RALGDS: variants seen among roughly 807,000 people sequenced by gnomAD.
RALGDS encodes ral guanine nucleotide dissociation stimulator.
In RALGDS, 44 loss-of-function variants were observed where a neutral mutation model predicts 99.8. The observed-to-expected ratio is 0.44, with a 90% CI of 0.35 to 0.57. The LOEUF is 0.57. Among genes scored for constraint, RALGDS ranks in the 20% least tolerant of loss-of-function variants. The pLI, the probability that RALGDS is intolerant of heterozygous loss-of-function variation, is 0.01. For synonymous variants in RALGDS, 529 were observed against 505.0 expected, an observed-to-expected ratio of 1.05 and a Z score of -0.64; for missense variants, 1,022 against 1,203.1, an observed-to-expected ratio of 0.85 and a Z score of 2.23.
At chr9:133,115,462 G>A (rs1011552057) in intron 1 of RALGDS, among the ~76,000 whole-genome samples, 3 of 152,158 alleles carry the variant, frequency 2.0e-5, no homozygotes, top group Non-Finnish European at 2.9e-5. Context: ...CTGAGCTGCT[G>A]CTCAGGTCCC....
chr9:133,143,721 AGAGCAAG>A (rs1421912041), intron 1 of RALGDS, among the ~76,000 whole-genome samples: 11 of 148,834 alleles, frequency 7.4e-5, no homozygotes, highest in Non-Finnish European at 1.5e-4. Flanking sequence ...CCTGGGCCAC[AGAGCAAG>A]ACCCTGTCTC....
upstream of RALGDS, among the ~76,000 whole-genome samples, chr9:133,122,302 T>G (rs35568562): frequency 6.6e-6 from 1 of 152,112 alleles, no homozygotes; most frequent in South Asian, 2.1e-4. Context: ...CATGCCTCAC[T>G]CATCACTGGG....
At chr9:133,147,601 G>A (rs1165569430) in intron 1 of RALGDS, among the ~76,000 whole-genome samples, 1 of 152,192 alleles carries the variant, frequency 6.6e-6, no homozygotes, top group Non-Finnish European at 1.5e-5. Flanking sequence ...TGTGCATTGG[G>A]TAGAGGCCGG....
In RALGDS at chr9:133,107,808, C is replaced by T. The variant is rs541121536; in HGVS notation, c.1197+180G>A. 2.9e-4 allele frequency among the ~76,000 whole-genome samples: 44 copies of T among 152,308 alleles called. No individual in the cohort carries two copies. The South Asian group carries it at 8.1e-3, about 28-fold the overall frequency. ...CTGGAGGATAGGGGTGACCTCATCT[C>T]TACTGTCCAGAGGTAAACTGAGGAC... is the stretch of plus-strand genomic sequence containing the variant. On this transcript the variant is annotated intron_variant, in intron 6 of 17. Transcript: ENST00000372050.
upstream of RALGDS, among the ~76,000 whole-genome samples, chr9:133,133,818 AC>A (rs918684269): frequency 2.6e-5 from 4 of 152,016 alleles, no homozygotes; most frequent in Admixed American, 2.6e-4. Context: ...GCAAAACCCA[AC>A]CCACAGGCAC....
chr9:133,134,931 T>C (rs960408657), upstream of RALGDS, among the ~76,000 whole-genome samples: 63 of 152,314 alleles, frequency 4.1e-4, 2 homozygotes, highest in Admixed American at 3.9e-3. Context: ...CAATCCTGTC[T>C]GACTCTCAGG....
chr9:133,130,206 G>T (rs557883391), intron 1 of RALGDS, among the ~76,000 whole-genome samples: 2 of 152,154 alleles, frequency 1.3e-5, no homozygotes, highest in African/African-American at 4.8e-5. Context: ...TCCTGACCTC[G>T]TGATATGCCT....
intron 1 of RALGDS, among the ~76,000 whole-genome samples, chr9:133,113,299 C>G (rs928435114): frequency 1.2e-4 from 18 of 152,312 alleles, no homozygotes; most frequent in Non-Finnish European, 2.2e-4. Context: ...TTCCCTCAAC[C>G]CCAGCAGGAG....
At chr9:133,103,286 C>T (rs201844712) in intron 11 of RALGDS, 24 bp from the exon 12 acceptor site, 9 of 1,613,892 alleles carry the variant, frequency 5.6e-6, no homozygotes, top group Middle Eastern at 1.7e-4. Context: ...ACCCAATGGC[C>T]GTCAGAAAGT....
chr9:133,102,169 G>T (rs1387070685), intron 14 of RALGDS, 30 bp from the exon 15 acceptor site: 1 of 1,548,854 alleles, frequency 6.5e-7, no homozygotes, highest in Non-Finnish European at 8.7e-7. Flanking sequence ...AGTTAAGGGG[G>T]CTCCCCAAGG....
chr9:133,126,881 G>A (rs892008085), intron 1 of RALGDS, among the ~76,000 whole-genome samples: 3 of 152,206 alleles, frequency 2.0e-5, no homozygotes, highest in Non-Finnish European at 4.4e-5. Flanking sequence ...TAGGGAAAAG[G>A]TGTGTTCAGG....
rs1564245752 is a variant in RALGDS at position 133,121,182 on chromosome 9, CGGCCCGG to C, written c.-35_-29del. 7 of 922,544 alleles carry C rather than the reference CGGCCCGG, an allele frequency of 7.6e-6. No individual in the cohort carries two copies. The highest frequency in any genetic ancestry group is 9.2e-6 in the Non-Finnish European group (7 of 764,562). 57.1% of individuals were successfully genotyped at this position (922,544 alleles called of 1,614,324 possible). A position where few individuals can be genotyped will look rare whatever the true frequency, so the allele number is the denominator to read the frequency against. ...AAGGCTCGCAGCGCGGGCGCGGGGC[CGGCCCGG>C]CGCGCGGCGGGGGCGGCGGCGCGGC... On this transcript the variant is annotated 5_prime_UTR_variant, in exon 1 of 18. Coordinates refer to ENST00000372050, the MANE Select transcript of RALGDS (RefSeq NM_006266.4).
chr9:133,120,979 C>T lies in RALGDS; in HGVS notation c.176G>A (p.Arg59His). ...SFTQLDPDLP[R>H]PESSTQEIGE... ...CCGCCCCAGCTCACCCACCTCCGGG[C>T]GCGGCAGGTCGGGGTCTAGCTGCGT... The change falls in exon 1 of 18, where the codon CGC becomes CAC. Residue 59 changes from arginine (R) to histidine (H), a missense_variant. Arg to His is a conservative substitution (Grantham distance 29, BLOSUM62 0). Around this residue, in one of 3 missense-constraint regions of RALGDS, gnomAD observed 180 missense variants for 169.3 expected, o/e 1.06. Transcript: ENST00000372050. 6.7e-7 allele frequency: 1 copy of T among 1,484,572 alleles called. No individual in the cohort carries two copies. The highest frequency in any genetic ancestry group is 8.9e-7 in the Non-Finnish European group (1 of 1,123,468). 92.0% of individuals were successfully genotyped at this position (1,484,572 alleles called of 1,614,324 possible). A position where few individuals can be genotyped will look rare whatever the true frequency, so the allele number is the denominator to read the frequency against.
At chr9:133,134,946 C>T (rs1399850210), upstream of RALGDS, among the ~76,000 whole-genome samples, 1 of 152,124 alleles carries the variant, frequency 6.6e-6, no homozygotes, top group Non-Finnish European at 1.5e-5. Context: ...CTCAGGTTTG[C>T]GCTCCCAGTC....
chr9:133,146,234 C>A (rs1368547531), intron 1 of RALGDS, among the ~76,000 whole-genome samples: 1 of 152,200 alleles, frequency 6.6e-6, no homozygotes, highest in Admixed American at 6.5e-5. Context: ...GTCGCCCAGG[C>A]TGGAGTGCAG....
intron 1 of RALGDS, among the ~76,000 whole-genome samples, chr9:133,143,780 CAACAACAATAAT>C (rs1182806966): frequency 2.9e-5 from 3 of 103,804 alleles, no homozygotes; most frequent in African/African-American, 1.5e-4. Flanking sequence ...ATAACAACAA[CAACAACAATAAT>C]AATAATAATA....
At chr9:133,110,130 C>A (rs530575509) in intron 3 of RALGDS, among the ~76,000 whole-genome samples, 166 bp downstream of exon 3, 3 of 152,208 alleles carry the variant, frequency 2.0e-5, no homozygotes, top group Admixed American at 2.0e-4. Flanking sequence ...TCATCCCGCC[C>A]AGGCATGGTG....
intron 4 of RALGDS, among the ~76,000 whole-genome samples, chr9:133,109,079 A>G (rs1444035714): frequency 6.6e-6 from 1 of 152,140 alleles, no homozygotes; most frequent in African/African-American, 2.4e-5. Context: ...CATGTCTCCC[A>G]GCACCCCCTC....
intron 1 of RALGDS, among the ~76,000 whole-genome samples, chr9:133,138,792 G>A (rs1291199056): frequency 6.6e-6 from 1 of 152,054 alleles, no homozygotes; most frequent in Admixed American, 6.6e-5. Flanking sequence ...GCACCACCAC[G>A]CCCGGCTAAT....
Sources: allele counts gnomAD v4.1 joint callset (sites outside exome capture counted in the v4.1 genomes callset), GRCh38; gene constraint gnomAD v4.1.1; regional missense constraint gnomAD v4.1.1; transcripts MANE v1.5; gene names NCBI Gene and HGNC (gene_info 2026-07-23, HGNC 2026-07-21).